The following PPP2R2B variants were observed in gnomAD, a reference collection of about 807,000 sequenced individuals.
The protein encoded by PPP2R2B is serine/threonine-protein phosphatase 2A 55 kDa regulatory subunit B beta isoform.
A neutral mutation model predicts 46.0 loss-of-function variants in PPP2R2B; 5 were observed. The observed-to-expected ratio is 0.11, with a 90% CI of 0.06 to 0.23. The LOEUF (loss-of-function observed/expected upper bound fraction) is 0.23. Ranked by LOEUF, PPP2R2B falls within the 10% of genes least tolerant of loss-of-function variation. The pLI, the probability that PPP2R2B is intolerant of heterozygous loss-of-function variation, is 1.00. For missense variants in PPP2R2B, 367 were observed against 575.0 expected, an observed-to-expected ratio of 0.64 and a Z score of 3.70; for synonymous variants, 215 against 206.7, an observed-to-expected ratio of 1.04 and a Z score of -0.34.
At chr5:146,615,514 TTA>T (rs1773076166) in intron 7 of PPP2R2B, among the ~76,000 whole-genome samples, 2 of 83,252 alleles carry the variant, frequency 2.4e-5, no homozygotes, top group African/African-American at 1.3e-4. Flanking sequence ...AAAAAAAAAA[TTA>T]AAAAAAAAAA....
intron 1 of PPP2R2B, among the ~76,000 whole-genome samples, chr5:146,920,107 C>A (rs1474939736): frequency 6.6e-6 from 1 of 152,180 alleles, no homozygotes; most frequent in East Asian, 1.9e-4. Context: ...TCAGGCCGTA[C>A]ATGAAGGTTA....
At chr5:146,954,756 A>ATGTATG (rs1554079879) in intron 1 of PPP2R2B, among the ~76,000 whole-genome samples, 1 of 146,646 alleles carries the variant, frequency 6.8e-6, no homozygotes, top group Non-Finnish European at 1.5e-5. Context: ...ATGTGTATAT[A>ATGTATG]TGTGTGTGTG....
intron 1 of PPP2R2B, among the ~76,000 whole-genome samples, chr5:146,941,357 T>C (rs1308176551): frequency 1.3e-5 from 2 of 152,208 alleles, no homozygotes; most frequent in Non-Finnish European, 2.9e-5. Flanking sequence ...ACATTTAATA[T>C]GGTTGAGGGA....
intron 1 of PPP2R2B, among the ~76,000 whole-genome samples, chr5:146,977,516 C>A (rs1363597985): frequency 2.0e-5 from 3 of 152,120 alleles, no homozygotes; most frequent in African/African-American, 7.2e-5. Flanking sequence ...CGCATGCTAT[C>A]CCTCCCCTAG....
chr5:147,015,105 GA>G (rs1344527880), intron 1 of PPP2R2B, among the ~76,000 whole-genome samples: 2 of 152,054 alleles, frequency 1.3e-5, no homozygotes, highest in Non-Finnish European at 2.9e-5. Flanking sequence ...AGAGGGCAGG[GA>G]TTTTTGTTGT....
rs138926156 is a variant in PPP2R2B at position 146,943,179 on chromosome 5, G to T, written c.79+112486C>A. 1.3e-4 allele frequency among the ~76,000 whole-genome samples: 20 copies of T among 152,194 alleles called. No individual in the cohort carries two copies. The East Asian group carries it at 3.1e-3, about 23-fold the overall frequency. On this transcript the variant is annotated intron_variant, in intron 1 of 8. Transcript: ENST00000336640. ...CATCCACACATGTTTTTAGTACAGGGTATGGAATTGCAATCCAGAGATTCT... is the reference window on the plus strand; with the variant it reads ...CATCCACACATGTTTTTAGTACAGGTTATGGAATTGCAATCCAGAGATTCT...
intron 2 of PPP2R2B, among the ~76,000 whole-genome samples, chr5:146,737,330 A>G (rs1489931593): frequency 6.6e-6 from 1 of 152,208 alleles, no homozygotes; most frequent in Non-Finnish European, 1.5e-5. Context: ...GATACATATT[A>G]TGCTTCATCT....
chr5:147,030,038 A>G (rs1755708153), intron 1 of PPP2R2B, among the ~76,000 whole-genome samples: 1 of 152,220 alleles, frequency 6.6e-6, no homozygotes, highest in Non-Finnish European at 1.5e-5. Flanking sequence ...CACAAAAACA[A>G]TCCTGAAATT....
At chr5:146,940,789 T>C (rs1253523277) in intron 1 of PPP2R2B, among the ~76,000 whole-genome samples, 1 of 152,198 alleles carries the variant, frequency 6.6e-6, no homozygotes, top group African/African-American at 2.4e-5. Flanking sequence ...TTGTCTGTGT[T>C]CCACTGAATT....
At chr5:146,945,861 G>T (rs1764463455) in intron 1 of PPP2R2B, among the ~76,000 whole-genome samples, 2 of 152,158 alleles carry the variant, frequency 1.3e-5, no homozygotes, top group Admixed American at 6.6e-5. Context: ...GCTGAGACAC[G>T]TGTCAGATCT....
chr5:147,018,462 T>A (rs939566395), intron 1 of PPP2R2B, among the ~76,000 whole-genome samples: 4 of 152,196 alleles, frequency 2.6e-5, no homozygotes, highest in East Asian at 3.8e-4. Flanking sequence ...ATCTCATTTT[T>A]TATATATATT....
chr5:147,052,744 A>G (rs1049367563), intron 1 of PPP2R2B, among the ~76,000 whole-genome samples: 2 of 152,090 alleles, frequency 1.3e-5, no homozygotes, highest in Admixed American at 6.6e-5. Flanking sequence ...CCCGCTTGCC[A>G]TGGAAACCAT....
chr5:146,758,429 C>T (rs767716109), intron 2 of PPP2R2B, among the ~76,000 whole-genome samples: 12 of 152,076 alleles, frequency 7.9e-5, no homozygotes, highest in Admixed American at 7.9e-4. Context: ...TTCATTATGA[C>T]ATCTGTCCAA....
intron 2 of PPP2R2B, among the ~76,000 whole-genome samples, chr5:146,845,953 C>T (rs1759977902): frequency 1.3e-5 from 2 of 152,108 alleles, no homozygotes; most frequent in Admixed American, 6.6e-5. Flanking sequence ...AGTCTGAATT[C>T]AATGTGCTGT....
chr5:146,901,344 T>TA (rs1045082626), intron 1 of PPP2R2B, among the ~76,000 whole-genome samples: 62 of 151,744 alleles, frequency 4.1e-4, no homozygotes, highest in African/African-American at 1.5e-3. Flanking sequence ...CACAAAAAAT[T>TA]AAAAAGAAAA....
intron 1 of PPP2R2B, among the ~76,000 whole-genome samples, chr5:146,997,588 C>A (rs72825286): frequency 0.023 from 3,438 of 152,252 alleles, 44 homozygotes; most frequent in Non-Finnish European, 0.03. Context: ...GATCTTGATG[C>A]ATGCCAACAT....
intron 8 of PPP2R2B, among the ~76,000 whole-genome samples, chr5:146,596,816 A>AG (rs1026372041): frequency 3.9e-5 from 6 of 152,186 alleles, no homozygotes; most frequent in African/African-American, 1.4e-4. Flanking sequence ...GATGGACCAC[A>AG]GGGGAAACAA....
intron 7 of PPP2R2B, among the ~76,000 whole-genome samples, chr5:146,636,033 T>C (rs1001878031): frequency 2.5e-4 from 38 of 152,250 alleles, no homozygotes; most frequent in African/African-American, 8.2e-4. Context: ...TGGATTTCTA[T>C]AGCCACCATT....
At chr5:146,596,663 C>T (rs1209275401) in intron 8 of PPP2R2B, among the ~76,000 whole-genome samples, 1 of 152,172 alleles carries the variant, frequency 6.6e-6, no homozygotes, top group Non-Finnish European at 1.5e-5. Context: ...TCTTATGCAG[C>T]TGGAAGAGGA....
Sources: gnomAD v4.1 joint callset for allele counts (sites outside exome capture counted in the v4.1 genomes callset) on GRCh38, gnomAD v4.1.1 for gene constraint, MANE v1.5 for transcripts, NCBI Gene and HGNC (gene_info 2026-07-23, HGNC 2026-07-21) for gene names.